The following FBXW8 variants were observed in gnomAD, a reference collection of about 807,000 sequenced individuals.
The protein encoded by FBXW8 is F-box and WD repeat domain containing 8, also known as F-box/WD repeat-containing protein 8.
A neutral mutation model predicts 65.3 loss-of-function variants in FBXW8; 57 were observed. The observed-to-expected ratio is 0.87, with a 90% CI of 0.71 to 1.09. FBXW8 has a LOEUF of 1.09. FBXW8 is among the 50% of genes least tolerant of loss of function. The pLI is 0.00. For missense variants in FBXW8, 777 were observed against 814.8 expected (o/e 0.95, Z 0.57); for synonymous variants, 308 against 330.2 (o/e 0.93, Z 0.73).
intron 1 of FBXW8, among the ~76,000 whole-genome samples, chr12:116,916,700 C>G (rs1441768358): frequency 6.6e-6 from 1 of 152,102 alleles, no homozygotes; most frequent in African/African-American, 2.4e-5. Context: ...GAGTTTGAGA[C>G]CAGCCTGGGC....
At chr12:116,971,236 G>C (rs1160213260) in intron 5 of FBXW8, among the ~76,000 whole-genome samples, 1 of 151,994 alleles carries the variant, frequency 6.6e-6, no homozygotes, top group Non-Finnish European at 1.5e-5. Context: ...GGGTGCACCT[G>C]TGGTCCCAGC....
chr12:116,983,130 G>T (rs562029865), intron 5 of FBXW8, among the ~76,000 whole-genome samples: 32 of 152,040 alleles, frequency 2.1e-4, no homozygotes, highest in Admixed American at 2.0e-3. Context: ...GCAAATGGGA[G>T]TTTTTTTTCT....
intron 4 of FBXW8, among the ~76,000 whole-genome samples, chr12:116,951,776 A>G (rs1423854129): frequency 2.6e-5 from 4 of 152,194 alleles, no homozygotes; most frequent in Non-Finnish European, 5.9e-5. Context: ...GGACCCAGTC[A>G]TGGTTCTTCC....
chr12:117,001,342 GCTGCCTGC>G (rs140988044), intron 7 of FBXW8, among the ~76,000 whole-genome samples: 2,266 of 152,256 alleles, frequency 0.015, 51 homozygotes, highest in African/African-American at 0.045. Flanking sequence ...TCTGATTTTA[GCTGCCTGC>G]CTGCCCTCTT....
chr12:116,930,684 T>C (rs1881699613), intron 2 of FBXW8, among the ~76,000 whole-genome samples: 1 of 152,230 alleles, frequency 6.6e-6, no homozygotes, highest in Non-Finnish European at 1.5e-5. Flanking sequence ...TTGCCTGTTC[T>C]TTTGGGGTCA....
In FBXW8 at chr12:116,941,007, G is replaced by T. The variant is rs893890014; in HGVS notation, c.424-4357G>T. On this transcript the variant is annotated intron_variant, in intron 2 of 10. Coordinates refer to ENST00000652555, the MANE Select transcript of FBXW8 (RefSeq NM_153348.3). ...GAAATGACTAAGGGGAAATATGATC[G>T]CTGTCTTCAGCTATTTGAGGGACTG... 2.6e-5 allele frequency among the ~76,000 whole-genome samples: 4 copies of T among 152,202 alleles called. No individual in the cohort carries two copies. In the East Asian group the frequency reaches 7.7e-4, roughly 29 times the overall value.
chr12:116,994,747 C>A (rs1217808131), intron 7 of FBXW8, among the ~76,000 whole-genome samples: 1 of 152,190 alleles, frequency 6.6e-6, no homozygotes, highest in Non-Finnish European at 1.5e-5. Flanking sequence ...TATAATATTA[C>A]ACTTTGTGGA....
intron 3 of FBXW8, among the ~76,000 whole-genome samples, chr12:116,947,756 A>G (rs1883028796): frequency 6.7e-6 from 1 of 149,574 alleles, no homozygotes; most frequent in Non-Finnish European, 1.5e-5. Context: ...AAAAAAAAAG[A>G]AAAGAAAGAA....
Position 116,985,369 on chromosome 12 carries a change from G to GCAGATAGCT in FBXW8, c.1000_1008dup (p.Gln334_Ala336dup). On this transcript the variant is annotated inframe_insertion, in exon 6 of 11. Coordinates refer to ENST00000652555, the MANE Select transcript of FBXW8 (RefSeq NM_153348.3). Reference sequence around the variant, plus strand: ...TATCCCCCAATGAGGAGGGGTACTGGCAGATAGCTGCGGAATTTGAAGTTC... The same window carrying GCAGATAGCT: ...TATCCCCCAATGAGGAGGGGTACTGGCAGATAGCTCAGATAGCTGCGGAATTTGAAGTTC... 6.2e-7 allele frequency: 1 copy of GCAGATAGCT among 1,611,842 alleles called. No individual in the cohort carries two copies. The highest frequency in any genetic ancestry group is 1.1e-5 in the South Asian group (1 of 90,286).
intron 8 of FBXW8, among the ~76,000 whole-genome samples, chr12:117,013,571 G>A (rs1233119277): frequency 6.6e-6 from 1 of 151,912 alleles, no homozygotes; most frequent in Non-Finnish European, 1.5e-5. Context: ...GTACTCGGCG[G>A]GTGCCTAGCA....
intron 1 of FBXW8, among the ~76,000 whole-genome samples, chr12:116,915,448 A>C (rs1165973052): frequency 6.6e-6 from 1 of 152,132 alleles, no homozygotes; most frequent in Non-Finnish European, 1.5e-5. Context: ...CAGCTTGATG[A>C]ATTTTCAAGT....
In FBXW8 at chr12:116,988,648, C is replaced by G. The variant is rs769037612; in HGVS notation, c.1033-15C>G. 9 of 1,613,104 alleles carry G rather than the reference C, an allele frequency of 5.6e-6. No individual in the cohort carries two copies. The Admixed American group carries it at 1.5e-4, about 27-fold the overall frequency. The stretch of plus-strand genomic sequence containing the variant: ...GATGAATTTATGGGACTAAACAACT[C>G]TTACCTTTTAACAGGTTCAGTACCT... On this transcript the variant is annotated splice_polypyrimidine_tract_variant and intron_variant, in intron 6 of 10. Transcript: ENST00000652555.
chr12:116,922,415 A>C (rs569917697), intron 1 of FBXW8, among the ~76,000 whole-genome samples: 1 of 152,154 alleles, frequency 6.6e-6, no homozygotes, highest in African/African-American at 2.4e-5. Flanking sequence ...TGTTATTGCA[A>C]ATCTCTTCTT....
At position 117,027,500 on chromosome 12, in the gene FBXW8, A is replaced by C. The variant is rs1268109209; in HGVS notation, c.1648A>C (p.Arg550=). 1 of 1,613,212 alleles carries C rather than the reference A, an allele frequency of 6.2e-7. No homozygotes were observed. Among genetic ancestry groups the C allele is most frequent in the Non-Finnish European group, 8.5e-7 (1 of 1,179,194 alleles). The change falls in exon 10 of 11, where the codon AGG becomes CGG. Residue 550 remains arginine (R), a synonymous_variant. Coordinates refer to ENST00000652555, the MANE Select transcript of FBXW8 (RefSeq NM_153348.3). ...NADLDSFTTH[R]RHRGLIRAYE... ...CGACCTGGACAGCTTCACTACTCAC[A>C]GGAGGTTAGTGGTGGGGCCGGGCGA...
At chr12:116,948,098 C>T (rs928199900) in intron 3 of FBXW8, among the ~76,000 whole-genome samples, 4 of 152,210 alleles carry the variant, frequency 2.6e-5, no homozygotes, top group Admixed American at 6.5e-5. Flanking sequence ...CAGGTACCTC[C>T]ACAAAGAGAA....
At chr12:116,913,901 C>T (rs1880194840) in intron 1 of FBXW8, among the ~76,000 whole-genome samples, 1 of 152,174 alleles carries the variant, frequency 6.6e-6, no homozygotes, top group African/African-American at 2.4e-5. Context: ...CCTCTGCCCC[C>T]TTCAGAATCA....
chr12:117,025,924 C>T (rs1366635228), intron 9 of FBXW8, among the ~76,000 whole-genome samples: 1 of 152,220 alleles, frequency 6.6e-6, no homozygotes, highest in East Asian at 1.9e-4. Context: ...AGGCCTTCCC[C>T]AGAGGTGTGG....
At chr12:116,942,319 C>CT (rs1026272650) in intron 2 of FBXW8, among the ~76,000 whole-genome samples, 6 of 149,720 alleles carry the variant, frequency 4.0e-5, no homozygotes, top group East Asian at 2.0e-4. Flanking sequence ...TTCCTTTATT[C>CT]TTTTTTTTCC....
At chr12:116,958,990 T>C (rs192512725) in intron 4 of FBXW8, among the ~76,000 whole-genome samples, 86 of 152,300 alleles carry the variant, frequency 5.6e-4, no homozygotes, top group African/African-American at 1.9e-3. Context: ...AGGGCCCCTC[T>C]TGGCTGCTCT....
Sources: gnomAD v4.1 joint callset for allele counts (sites outside exome capture counted in the v4.1 genomes callset) on GRCh38, gnomAD v4.1.1 for gene constraint, MANE v1.5 for transcripts, NCBI Gene and HGNC (gene_info 2026-07-23, HGNC 2026-07-21) for gene names.